The following CPA6 variants were observed in gnomAD, a reference collection of about 807,000 sequenced individuals.
The protein encoded by CPA6 is carboxypeptidase A6.
A neutral mutation model predicts 63.3 loss-of-function variants in CPA6; 58 were observed. The observed-to-expected ratio is 0.92, with a 90% CI of 0.74 to 1.14. The LOEUF (loss-of-function observed/expected upper bound fraction) is 1.14. Among genes scored for constraint, CPA6 ranks in the 50% most tolerant of loss-of-function variants. The pLI is 0.00. For synonymous variants in CPA6, 185 were observed against 179.0 expected (o/e 1.03, Z -0.27); for missense variants, 565 against 526.6 (o/e 1.07, Z -0.71).
intron 1 of CPA6, among the ~76,000 whole-genome samples, chr8:67,653,760 C>G (rs1370999632): frequency 2.6e-5 from 4 of 152,052 alleles, no homozygotes; most frequent in Admixed American, 2.0e-4. Flanking sequence ...ATTGCCCTGG[C>G]CAGAACTTCC....
chr8:67,535,922 A>G (rs60307771), intron 2 of CPA6, among the ~76,000 whole-genome samples: 1 of 152,312 alleles, frequency 6.6e-6, no homozygotes, highest in African/African-American at 2.4e-5. Context: ...TTTTCTGCAT[A>G]TGGCTAGGCA....
chr8:67,683,936 C>T (rs1480580189), intron 1 of CPA6, among the ~76,000 whole-genome samples: 1 of 149,672 alleles, frequency 6.7e-6, no homozygotes, highest in East Asian at 2.0e-4. Context: ...GCCATCCTCC[C>T]ACCTCAGCTG....
chr8:67,685,510 T>C (rs1002438635), intron 1 of CPA6, among the ~76,000 whole-genome samples: 2 of 152,026 alleles, frequency 1.3e-5, no homozygotes, highest in African/African-American at 4.8e-5. Context: ...TTCCAGCTAC[T>C]AGGGAGGCTG....
intron 2 of CPA6, among the ~76,000 whole-genome samples, chr8:67,590,805 G>A (rs1465320161): frequency 6.6e-6 from 1 of 150,376 alleles, no homozygotes; most frequent in Admixed American, 6.6e-5. Context: ...AGATGAGTAG[G>A]TTGCGAAAAT....
intron 1 of CPA6, among the ~76,000 whole-genome samples, chr8:67,688,482 A>G (rs1816750724): frequency 6.6e-6 from 1 of 152,214 alleles, no homozygotes; most frequent in Admixed American, 6.5e-5. Flanking sequence ...CCCAAAATCG[A>G]AAGCTTAGAA....
chr8:67,620,496 AC>A (rs1815054772), intron 2 of CPA6, among the ~76,000 whole-genome samples: 1 of 152,066 alleles, frequency 6.6e-6, no homozygotes, highest in African/African-American at 2.4e-5. Context: ...CTTCTGGCAA[AC>A]CCTCCTTCTT....
chr8:67,504,825 G>T (rs1278007060), intron 6 of CPA6, among the ~76,000 whole-genome samples: 1 of 152,166 alleles, frequency 6.6e-6, no homozygotes, highest in Admixed American at 6.6e-5. Flanking sequence ...AGTGAAAGAG[G>T]TGTGGGGAGG....
At chr8:67,567,628 A>T (rs1368498810) in intron 2 of CPA6, among the ~76,000 whole-genome samples, 1 of 152,230 alleles carries the variant, frequency 6.6e-6, no homozygotes, top group East Asian at 1.9e-4. Flanking sequence ...AAAACCCCAA[A>T]ACATGGGAAT....
At chr8:67,650,206 G>A (rs1024122044) in intron 1 of CPA6, among the ~76,000 whole-genome samples, 1 of 152,040 alleles carries the variant, frequency 6.6e-6, no homozygotes, top group Non-Finnish European at 1.5e-5. Flanking sequence ...TTTCTTCAAT[G>A]GTTAAGAAAT....
Position 67,536,863 on chromosome 8 carries a change from C to T in CPA6, c.193-18816G>A, listed in dbSNP as rs560487183. 9.2e-5 allele frequency among the ~76,000 whole-genome samples: 14 copies of T among 152,148 alleles called. No individual in the cohort carries two copies. The East Asian group carries it at 9.7e-4, about 10-fold the overall frequency. On this transcript the variant is annotated intron_variant, in intron 2 of 10. Transcript: ENST00000297770. ...AAATAGCTCTTATTATTTTGAGATA[C>T]GCTCCATCAATACCTAGTTTATTGA...
At chr8:67,599,729 G>A (rs1814443280) in intron 2 of CPA6, among the ~76,000 whole-genome samples, 1 of 152,126 alleles carries the variant, frequency 6.6e-6, no homozygotes, top group South Asian at 2.1e-4. Context: ...ATAGCATTTA[G>A]CAATAGATGC....
chr8:67,706,658 C>G (rs1043354553), intron 1 of CPA6, among the ~76,000 whole-genome samples: 23 of 151,964 alleles, frequency 1.5e-4, no homozygotes, highest in Non-Finnish European at 2.9e-4. Flanking sequence ...CTAAGTATAC[C>G]TAGTATTTAC....
rs1306603293 is a variant in CPA6, at chr8:67,699,456, AG to A, written c.116+46557del. Among the ~76,000 whole-genome samples, 3 of 152,056 alleles carry A rather than the reference AG, an allele frequency of 2.0e-5. No homozygotes were observed. The East Asian group carries it at 5.8e-4, about 29-fold the overall frequency. ...TCAAAACAAAACAAAACAAAACAGG[AG>A]GGGGGGATGTTACCTAGAAAAACAG... On this transcript the variant is annotated intron_variant, in intron 1 of 10. Transcript: ENST00000297770.
At chr8:67,674,709 G>T (rs1816429979) in intron 1 of CPA6, among the ~76,000 whole-genome samples, 1 of 152,078 alleles carries the variant, frequency 6.6e-6, no homozygotes. Context: ...ATGCCAAAAA[G>T]ACACATGCAC....
At chr8:67,717,736 A>G (rs779148939) in intron 1 of CPA6, among the ~76,000 whole-genome samples, 5 of 152,222 alleles carry the variant, frequency 3.3e-5, no homozygotes, top group Non-Finnish European at 7.3e-5. Flanking sequence ...GGATTTTGAA[A>G]TGGGAGATGA....
rs1563967970 is a variant in CPA6 at position 67,475,875 on chromosome 8, CTTTCTCCTTTCTTTCTTT to C, written c.838+7875_838+7892del. On this transcript the variant is annotated intron_variant, in intron 8 of 10. Coordinates refer to ENST00000297770, the MANE Select transcript of CPA6 (RefSeq NM_020361.5). ...TCTTTCTTTCTTTCTTTCTTTCTTTCTTTCTCCTTTCTTTCTTTCTTTCTTTCTTTCTTTCTTTCTTTC... is the reference window on the plus strand; with the variant it reads ...TCTTTCTTTCTTTCTTTCTTTCTTTCCTTTCTTTCTTTCTTTCTTTCTTTC... Among the ~76,000 whole-genome samples the C allele has an allele frequency of 2.2e-3, 161 of 72,460 alleles. 1 individual carries two copies. Among genetic ancestry groups the C allele is most frequent in the Non-Finnish European group, 2.8e-3 (106 of 37,446 alleles). 47.5% of individuals were successfully genotyped at this position (72,460 alleles called of 152,430 possible). A position where few individuals can be genotyped will look rare whatever the true frequency, so the allele number is the denominator to read the frequency against.
At chr8:67,576,581 C>T (rs1813632152) in intron 2 of CPA6, among the ~76,000 whole-genome samples, 1 of 152,208 alleles carries the variant, frequency 6.6e-6, no homozygotes, top group Admixed American at 6.5e-5. Flanking sequence ...ATATTTCTGA[C>T]AGCAGGGAAT....
At chr8:67,585,725 CT>C (rs752207169) in intron 2 of CPA6, among the ~76,000 whole-genome samples, 3 of 152,050 alleles carry the variant, frequency 2.0e-5, no homozygotes, top group Non-Finnish European at 2.9e-5. Context: ...CGTAAGTGTC[CT>C]TCGTTGTGAT....
chr8:67,636,118 A>G (rs1394742516), intron 1 of CPA6, among the ~76,000 whole-genome samples: 7 of 151,582 alleles, frequency 4.6e-5, no homozygotes, highest in South Asian at 4.1e-4. Flanking sequence ...AATTAGCCCA[A>G]TCAGATTTAA....
Sources: gnomAD v4.1 joint callset for allele counts (sites outside exome capture counted in the v4.1 genomes callset) on GRCh38, gnomAD v4.1.1 for gene constraint, MANE v1.5 for transcripts, NCBI Gene and HGNC (gene_info 2026-07-23, HGNC 2026-07-21) for gene names.